The following NAP1L1 variants were observed in gnomAD, a reference collection of about 807,000 sequenced individuals.
NAP1L1 encodes the protein nucleosome assembly protein 1 like 1, also known as nucleosome assembly protein 1-like 1.
A neutral mutation model predicts 58.9 loss-of-function variants in NAP1L1; 9 were observed. That is an observed-to-expected ratio of 0.15 (90% CI 0.09 to 0.27). The LOEUF (loss-of-function observed/expected upper bound fraction) is 0.27, where lower values mean the gene tolerates loss of function less well. Ranked by LOEUF, NAP1L1 falls within the 10% of genes least tolerant of loss-of-function variation. The pLI is 1.00. For missense variants in NAP1L1, 302 were observed against 458.8 expected (o/e 0.66, Z 3.12); for synonymous variants, 130 against 138.3 (o/e 0.94, Z 0.42).
At position 76,046,122 on chromosome 12, in the gene NAP1L1, A is replaced by G. The variant is rs1428783339; in HGVS notation, c.*2307T>C. 1 of 151,978 alleles carries G rather than the reference A, an allele frequency of 6.6e-6. No homozygotes were observed. Among genetic ancestry groups the G allele is most frequent in the Non-Finnish European group, 1.5e-5 (1 of 67,900 alleles). The allele number at this position is 151,978 out of a possible 1,614,324, so 9.4% of individuals were successfully genotyped here. Reference sequence around the variant, plus strand: ...CATCACTACTCTCCACTCTTCAAAAAAAAAGTATATACATTCATTTAAAAA... The same window carrying G: ...CATCACTACTCTCCACTCTTCAAAAGAAAAGTATATACATTCATTTAAAAA... On this transcript the variant is annotated 3_prime_UTR_variant, in exon 15 of 15. Transcript: ENST00000618691.
intron 1 of NAP1L1, among the ~76,000 whole-genome samples, chr12:76,080,166 C>A (rs1950346265): frequency 6.6e-6 from 1 of 152,164 alleles, no homozygotes; most frequent in Admixed American, 6.5e-5. Context: ...ACAGTGATCC[C>A]ACAAGATTAT....
intron 4 of NAP1L1, among the ~76,000 whole-genome samples, chr12:76,063,296 A>T (rs1468392785): frequency 6.6e-6 from 1 of 152,214 alleles, no homozygotes; most frequent in Non-Finnish European, 1.5e-5. Flanking sequence ...GGGGTAAATA[A>T]ACTTAGATAT....
At chr12:76,077,551 A>G (rs1950225462) in intron 1 of NAP1L1, among the ~76,000 whole-genome samples, 1 of 152,212 alleles carries the variant, frequency 6.6e-6, no homozygotes, top group South Asian at 2.1e-4. Context: ...TAATACCTGT[A>G]TTAATATTTT....
chr12:76,056,592 C>T (rs950271024), intron 6 of NAP1L1: 13 of 455,558 alleles, frequency 2.9e-5, no homozygotes, highest in African/African-American at 2.0e-4. Flanking sequence ...GAATGTGTGT[C>T]ACAGCTCTGC....
chr12:76,049,395 GA>G, intron 13 of NAP1L1, 145 bp from the exon 14 acceptor site: 1 of 1,538,326 alleles, frequency 6.5e-7, no homozygotes, highest in Non-Finnish European at 8.7e-7. Context: ...AATTTAATTT[GA>G]AAGCTTCTAA....
intron 4 of NAP1L1, among the ~76,000 whole-genome samples, chr12:76,063,881 TAAAAAAAA>T (rs10693123): frequency 2.8e-4 from 39 of 137,450 alleles, no homozygotes; most frequent in East Asian, 6.4e-4. Flanking sequence ...GTTAAAAGTT[TAAAAAAAA>T]AAAAAAAAAA....
At chr12:76,053,184 T>G in intron 10 of NAP1L1, 21 bp downstream of exon 10, 1 of 1,612,868 alleles carries the variant, frequency 6.2e-7, no homozygotes, top group Non-Finnish European at 8.5e-7. Context: ...CCGTTAATAC[T>G]CAAGCTAAAA....
At position 76,055,046 on chromosome 12, in the gene NAP1L1, C is replaced by T. The variant is rs1949017597; in HGVS notation, c.603G>A (p.Val201=). The T allele has an allele frequency of 5.0e-6, 8 of 1,606,572 alleles. No homozygotes were observed. Among genetic ancestry groups the T allele is most frequent in the Non-Finnish European group, 6.8e-6 (8 of 1,177,552 alleles). ...PILKHLKDIK[V]KFSDAGQPMS... The stretch of plus-strand genomic sequence containing the variant: ...TAGGCTGGCCAGCATCTGAGAACTT[C>T]ACTTTAATATCTTTCAAGTGCTTCA... The change falls in exon 8 of 15, where the codon GTG becomes GTA. Residue 201 remains valine (V), a synonymous_variant. Transcript: ENST00000618691.
At chr12:76,056,404 A>G (rs1949087788) in intron 6 of NAP1L1, 1 of 406,892 alleles carries the variant, frequency 2.5e-6, no homozygotes, top group Admixed American at 4.0e-5. Context: ...TTAGTAAAAA[A>G]AAAATGTAAA....
chr12:76,066,968 T>A (rs796754628), intron 4 of NAP1L1, among the ~76,000 whole-genome samples: 1 of 152,074 alleles, frequency 6.6e-6, no homozygotes, highest in African/African-American at 2.4e-5. Context: ...ATAATTAACA[T>A]ATAGACAGTA....
At chr12:76,061,025 C>G (rs978630810) in intron 4 of NAP1L1, 1 of 443,192 alleles carries the variant, frequency 2.3e-6, no homozygotes, top group African/African-American at 2.0e-5. Flanking sequence ...CCTGGGATGT[C>G]GAGGCTGAAT....
chr12:76,073,992 TAC>T, intron 2 of NAP1L1: 1 of 468,208 alleles, frequency 2.1e-6, no homozygotes, highest in Non-Finnish European at 3.8e-6. Context: ...GTTTAGTATA[TAC>T]GATGGTTTCG....
chr12:76,047,303 GCAATAAGAATTAGAAGAAACCA>G lies in NAP1L1; in HGVS notation c.*1104_*1125del, dbSNP rs1273584194. ...GGTAAGTGACATACTCATACTTTAA[GCAATAAGAATTAGAAGAAACCA>G]TAGAAGCTTGGGGCCTTCTCTCTAG... On this transcript the variant is annotated 3_prime_UTR_variant, in exon 15 of 15. Coordinates refer to ENST00000618691, the MANE Select transcript of NAP1L1 (RefSeq NM_004537.7). 1 of 151,674 alleles carries G rather than the reference GCAATAAGAATTAGAAGAAACCA, an allele frequency of 6.6e-6. No individual in the cohort carries two copies. The highest frequency in any genetic ancestry group is 1.5e-5 in the Non-Finnish European group (1 of 67,804). The allele number at this position is 151,674 out of a possible 1,614,324, so 9.4% of individuals were successfully genotyped here. A position where few individuals can be genotyped will look rare whatever the true frequency, so the allele number is the denominator to read the frequency against.
intron 10 of NAP1L1, 31 bp from the exon 11 acceptor site, chr12:76,053,141 A>G (rs1356324210): frequency 2.5e-6 from 4 of 1,612,770 alleles, no homozygotes; most frequent in African/African-American, 2.7e-5. Flanking sequence ...ATTACAATGA[A>G]TAAGAAGCTA....
intron 12 of NAP1L1, among the ~76,000 whole-genome samples, chr12:76,049,990 C>T (rs1411251209): frequency 1.3e-5 from 2 of 152,112 alleles, no homozygotes; most frequent in African/African-American, 2.4e-5. Context: ...GAACAGAGTA[C>T]AATCATGTGG....
At chr12:76,059,732 A>G in intron 6 of NAP1L1, 66 bp downstream of exon 6, 1 of 1,155,958 alleles carries the variant, frequency 8.7e-7, no homozygotes, top group South Asian at 1.3e-5. Flanking sequence ...ATTAAATGCT[A>G]ACATTTCTGA....
At chr12:76,084,105 T>A (rs1260091484) in intron 1 of NAP1L1, 1 of 151,326 alleles carries the variant, frequency 6.6e-6, no homozygotes, top group African/African-American at 2.4e-5. Context: ...GTTCTTTTCA[T>A]CTCCCAGCGG....
At chr12:76,053,601 G>A (rs1948940243) in intron 9 of NAP1L1, among the ~76,000 whole-genome samples, 169 bp downstream of exon 9, 1 of 152,180 alleles carries the variant, frequency 6.6e-6, no homozygotes, top group African/African-American at 2.4e-5. Context: ...AGACAGTCAT[G>A]GGTCCAAGGA....
rs1198359423 is a variant in NAP1L1, at chr12:76,043,600, T to C, written c.*4829A>G. 6.6e-6 allele frequency: 1 copy of C among 152,180 alleles called. No individual in the cohort carries two copies. Among genetic ancestry groups the C allele is most frequent in the Non-Finnish European group, 1.5e-5 (1 of 68,066 alleles). The allele number at this position is 152,180 out of a possible 1,614,324, so 9.4% of individuals were successfully genotyped here. A position where few individuals can be genotyped will look rare whatever the true frequency, so the allele number is the denominator to read the frequency against. On this transcript the variant is annotated 3_prime_UTR_variant, in exon 15 of 15. Transcript: ENST00000618691. ...TAAGAGGACTTCCACAGCTAAACTT[T>C]CTATGGACTGGCCACTTGTATTTCT...
Sources: allele counts gnomAD v4.1 joint callset (sites outside exome capture counted in the v4.1 genomes callset), GRCh38; gene constraint gnomAD v4.1.1; transcripts MANE v1.5; gene names NCBI Gene and HGNC (gene_info 2026-07-23, HGNC 2026-07-21).